ABCC1: variants seen among roughly 807,000 people sequenced by gnomAD.
ABCC1 encodes the protein ATP binding cassette subfamily C member 1 (ABCC1 blood group).
A neutral mutation model predicts 172.9 loss-of-function variants in ABCC1; 83 were observed. That is an observed-to-expected ratio of 0.48 (90% confidence interval 0.40 to 0.58). ABCC1 has a LOEUF of 0.58. ABCC1 is among the 20% of genes least tolerant of loss of function. The pLI is 0.00. For synonymous variants in ABCC1, 937 were observed against 825.2 expected (o/e 1.14, Z -2.32); for missense variants, 1,817 against 2,002.7 (o/e 0.91, Z 1.77).
chr16:16,023,653 T>C (rs1456542027), intron 5 of ABCC1, among the ~76,000 whole-genome samples: 1 of 152,090 alleles, frequency 6.6e-6, no homozygotes, highest in Admixed American at 6.6e-5. Flanking sequence ...TGGCAGGCAG[T>C]TGAACCAACA....
At chr16:16,009,945 C>T (rs754478236) in intron 3 of ABCC1, 44 bp downstream of exon 3, 1 of 1,451,858 alleles carries the variant, frequency 6.9e-7, no homozygotes, top group Non-Finnish European at 9.1e-7. Flanking sequence ...CTGCTGGGCT[C>T]AGTGGAGACC....
chr16:15,998,653 A>C (rs2047141138), intron 1 of ABCC1, among the ~76,000 whole-genome samples: 1 of 152,170 alleles, frequency 6.6e-6, no homozygotes, highest in Non-Finnish European at 1.5e-5. Flanking sequence ...TCTGAGCAGG[A>C]AGCTAGCCTG....
intron 13 of ABCC1, among the ~76,000 whole-genome samples, chr16:16,069,214 A>AAATATATG (rs1248266927): frequency 1.6e-3 from 229 of 147,228 alleles, no homozygotes; most frequent in African/African-American, 5.4e-3. Flanking sequence ...ATAAATAAAT[A>AAATATATG]TGTTTGAAAA....
intron 21 of ABCC1, 99 bp downstream of exon 21, chr16:16,106,972 C>A: frequency 6.7e-7 from 1 of 1,486,312 alleles, no homozygotes. Context: ...GTTAACTCAC[C>A]TGTCCATCAC....
chr16:15,962,854 C>G (rs1034406546), intron 1 of ABCC1, among the ~76,000 whole-genome samples: 1 of 152,190 alleles, frequency 6.6e-6, no homozygotes, highest in Admixed American at 6.5e-5. Flanking sequence ...CATTCTGCCC[C>G]TGGCCCCTCC....
chr16:16,052,927 T>C, intron 11 of ABCC1, 111 bp downstream of exon 11: 1 of 1,023,852 alleles, frequency 9.8e-7, no homozygotes, highest in East Asian at 2.4e-5. Context: ...CAGCCTTGCC[T>C]GCCAGTTGGA....
In ABCC1 at chr16:16,106,826, G is replaced by A. The variant is rs1240160521; in HGVS notation, c.2824G>A (p.Glu942Lys). The A allele has an allele frequency of 1.9e-6, 3 of 1,614,168 alleles. No individual in the cohort carries two copies. The highest frequency in any genetic ancestry group is 1.7e-6 in the Non-Finnish European group (2 of 1,180,040). Residue 942 changes from glutamate to lysine, a missense_variant, in exon 21 of 31, where the codon GAG (glutamate) becomes AAG (lysine). Physicochemically the swap from Glu to Lys is moderately conservative, Grantham distance 56 (BLOSUM62 1). This residue lies in a region of ABCC1 where 1,412 missense variants were observed against 1,600.3 expected (regional missense o/e 0.88). Transcript: ENST00000399410. Reference sequence around the variant, plus strand: ...ACTGCAGAAAGCTGAGGCCAAGAAGGAGGAGACCTGGAAGCTGATGGAGGC... The same window carrying A: ...ACTGCAGAAAGCTGAGGCCAAGAAGAAGGAGACCTGGAAGCTGATGGAGGC... ...AELQKAEAKK[E>K]ETWKLMEADK...
chr16:16,094,814 CTTTTTT>C (rs895974418), intron 19 of ABCC1, among the ~76,000 whole-genome samples: 3 of 120,626 alleles, frequency 2.5e-5, no homozygotes, highest in African/African-American at 3.6e-5. Context: ...TGCGCCTGGC[CTTTTTT>C]TTTTTTTTTT....
intron 12 of ABCC1, among the ~76,000 whole-genome samples, chr16:16,066,575 A>G (rs45628637): frequency 0.42 from 63,667 of 151,952 alleles, 14,097 homozygotes; most frequent in Non-Finnish European, 0.51. Context: ...GAAGTCTATC[A>G]TGTAGATACA....
chr16:16,002,242 A>G (rs1340279505), intron 1 of ABCC1, among the ~76,000 whole-genome samples: 1 of 152,218 alleles, frequency 6.6e-6, no homozygotes, highest in East Asian at 1.9e-4. Context: ...GAAAAAAGCA[A>G]AGTACGGAAC....
chr16:16,119,617 G>T (rs1051273591), intron 23 of ABCC1, among the ~76,000 whole-genome samples: 1 of 152,134 alleles, frequency 6.6e-6, no homozygotes, highest in African/African-American at 2.4e-5. Context: ...CTTGAACCTG[G>T]GAGGCAGAGG....
intron 5 of ABCC1, among the ~76,000 whole-genome samples, chr16:16,018,259 A>G (rs1364192547): frequency 6.6e-6 from 1 of 152,064 alleles, no homozygotes; most frequent in Non-Finnish European, 1.5e-5. Context: ...TTAGAAACCT[A>G]TGTCTCAGGC....
At chr16:15,957,085 A>C (rs1048856077) in intron 1 of ABCC1, among the ~76,000 whole-genome samples, 3 of 150,714 alleles carry the variant, frequency 2.0e-5, no homozygotes, top group Admixed American at 6.6e-5. Flanking sequence ...TTGTTTTTTT[A>C]TTTTATTTTT....
At chr16:16,093,979 CT>C (rs578261751) in intron 19 of ABCC1, among the ~76,000 whole-genome samples, 6,244 of 106,518 alleles carry the variant, frequency 0.059, 483 homozygotes, top group African/African-American at 0.21. Context: ...TCCCTCTCTC[CT>C]TTTTTTTTTT....
chr16:15,952,568 T>A (rs1262714935), intron 1 of ABCC1, among the ~76,000 whole-genome samples: 1 of 151,894 alleles, frequency 6.6e-6, no homozygotes, highest in Non-Finnish European at 1.5e-5. Context: ...AACTTTGCTA[T>A]CAAAACGGAA....
chr16:15,952,018 C>T (rs758472033), intron 1 of ABCC1, among the ~76,000 whole-genome samples: 5 of 152,118 alleles, frequency 3.3e-5, no homozygotes, highest in African/African-American at 4.8e-5. Flanking sequence ...GTAGCGTGTC[C>T]GAGGCCAGGA....
intron 20 of ABCC1, 109 bp downstream of exon 20, chr16:16,102,826 G>GCTC (rs2051830675): frequency 9.8e-7 from 1 of 1,019,088 alleles, no homozygotes; most frequent in South Asian, 1.6e-5. Context: ...GAAGGCCTGG[G>GCTC]CTTTTACCTT....
chr16:16,091,881 GGT>G (rs2152024435), intron 19 of ABCC1, among the ~76,000 whole-genome samples: 1 of 152,268 alleles, frequency 6.6e-6, no homozygotes, highest in Admixed American at 6.5e-5. Context: ...CTTTGCCTGG[GGT>G]GGGAGCTCCT....
intron 5 of ABCC1, among the ~76,000 whole-genome samples, chr16:16,021,159 G>T (rs2048180551): frequency 6.6e-6 from 1 of 152,120 alleles, no homozygotes; most frequent in Non-Finnish European, 1.5e-5. Flanking sequence ...CGTATATTAT[G>T]TCTTGCATAA....
Sources: gnomAD v4.1 joint callset for allele counts (sites outside exome capture counted in the v4.1 genomes callset) on GRCh38, gnomAD v4.1.1 for gene constraint, gnomAD v4.1.1 regional missense constraint, MANE v1.5 for transcripts, NCBI Gene and HGNC (gene_info 2026-07-23, HGNC 2026-07-21) for gene names.